The following MALT1 variants were observed in gnomAD, a reference collection of about 807,000 sequenced individuals.
The protein encoded by MALT1 is mucosa-associated lymphoid tissue lymphoma translocation protein 1.
MALT1 carries 36 observed loss-of-function variants against 85.5 expected under a neutral mutation model. The ratio of observed to expected loss-of-function variants is 0.42; its 90% CI spans 0.32 to 0.56. MALT1 has a LOEUF of 0.56. Ranked by LOEUF, MALT1 falls within the 20% of genes least tolerant of loss-of-function variation. The probability of loss-of-function intolerance (pLI) is 0.10; values close to 1 mark genes in which losing one functional copy is unlikely to be tolerated. For synonymous variants in MALT1, 359 were observed against 361.3 expected, an observed-to-expected ratio of 0.99 and a Z score of 0.07; for missense variants, 716 against 981.6, an observed-to-expected ratio of 0.73 and a Z score of 3.62.
intron 9 of MALT1, among the ~76,000 whole-genome samples, chr18:58,721,390 GA>G (rs1392477877): frequency 5.3e-5 from 8 of 152,160 alleles, no homozygotes; most frequent in African/African-American, 1.9e-4. Flanking sequence ...CAAAAAAAAG[GA>G]AATACAAGTG....
At chr18:58,701,625 C>T (rs1399893069) in intron 4 of MALT1, among the ~76,000 whole-genome samples, 1 of 152,130 alleles carries the variant, frequency 6.6e-6, no homozygotes, top group Non-Finnish European at 1.5e-5. Flanking sequence ...CCTTGGGCTT[C>T]GATGTTACAG....
Position 58,734,363 on chromosome 18 carries a change from T to C in MALT1, c.1457T>C (p.Ile486Thr). 6.2e-7 allele frequency: 1 copy of C among 1,613,062 alleles called. No individual in the cohort carries two copies. Among genetic ancestry groups the C allele is most frequent in the African/African-American group, 1.3e-5 (1 of 75,040 alleles). ...GATGCACTAAAAGTCACCGCCAATATTGTGTTTGGATATGCCACGTAAGAA... is the reference window on the plus strand; with the variant it reads ...GATGCACTAAAAGTCACCGCCAATACTGTGTTTGGATATGCCACGTAAGAA... ...ILDALKVTAN[I>T]VFGYATCQGA... The change falls in exon 12 of 17, where the codon ATT becomes ACT. Residue 486 changes from isoleucine (I) to threonine (T), a missense_variant. This residue lies in a region of MALT1 where 86 missense variants were observed against 212.3 expected (regional missense o/e 0.41). Coordinates refer to ENST00000649217, the MANE Select transcript of MALT1 (RefSeq NM_006785.4).
intron 7 of MALT1, among the ~76,000 whole-genome samples, chr18:58,713,717 C>T (rs573853556): frequency 6.6e-6 from 1 of 152,280 alleles, no homozygotes; most frequent in Non-Finnish European, 1.5e-5. Context: ...CTCTGCACTA[C>T]CTTCACAGTA....
At chr18:58,717,763 AAAAAG>A (rs1304520999) in intron 9 of MALT1, among the ~76,000 whole-genome samples, 3 of 151,704 alleles carry the variant, frequency 2.0e-5, no homozygotes, top group Non-Finnish European at 4.4e-5. Context: ...AAAAAAAAAA[AAAAAG>A]AAACCTGCTA....
At chr18:58,716,239 A>C (rs1244716421) in intron 9 of MALT1, among the ~76,000 whole-genome samples, 1 of 152,248 alleles carries the variant, frequency 6.6e-6, no homozygotes, top group African/African-American at 2.4e-5. Flanking sequence ...AAACATGTAC[A>C]TGCTGCATAG....
intron 13 of MALT1, among the ~76,000 whole-genome samples, chr18:58,736,452 A>G (rs928223472): frequency 3.9e-5 from 6 of 152,056 alleles, no homozygotes; most frequent in South Asian, 2.1e-4. Context: ...TAAAAAAAAA[A>G]AAAGAAAGAA....
At chr18:58,733,632 C>A in intron 11 of MALT1, 58 bp downstream of exon 11, 1 of 1,294,444 alleles carries the variant, frequency 7.7e-7, no homozygotes, top group Non-Finnish European at 1.1e-6. Context: ...CCATGACAAA[C>A]TAGAGAAACC....
In MALT1 at chr18:58,723,029, C is replaced by T. The variant is rs780353833; in HGVS notation, c.1019-19C>T. On this transcript the variant is annotated intron_variant, in intron 9 of 16. Transcript: ENST00000649217. ...TCTTTATATCTTCTTTAAACACCCC[C>T]TTTCTTTTTTTTTCAAAGCGAAGGA... The T allele has an allele frequency of 1.3e-6, 2 of 1,596,970 alleles. No homozygotes were observed. Among genetic ancestry groups the T allele is most frequent in the South Asian group, 1.1e-5 (1 of 90,016 alleles).
intron 7 of MALT1, among the ~76,000 whole-genome samples, chr18:58,713,638 G>A (rs2054862449): frequency 6.6e-6 from 1 of 152,128 alleles, no homozygotes; most frequent in African/African-American, 2.4e-5. Flanking sequence ...CATAAGACGT[G>A]ACAAATACAC....
intron 10 of MALT1, among the ~76,000 whole-genome samples, chr18:58,732,300 T>C (rs1005319999): frequency 3.9e-5 from 6 of 152,200 alleles, no homozygotes; most frequent in Non-Finnish European, 8.8e-5. Flanking sequence ...GATATTTTTG[T>C]TGTTTTTTAC....
chr18:58,718,356 A>AC (rs1285095783), intron 9 of MALT1, among the ~76,000 whole-genome samples: 1 of 152,030 alleles, frequency 6.6e-6, no homozygotes, highest in African/African-American at 2.4e-5. Flanking sequence ...GGCATCCCCC[A>AC]CCCCCAGGCT....
At chr18:58,712,273 A>G (rs943994096) in intron 7 of MALT1, among the ~76,000 whole-genome samples, 3 of 152,118 alleles carry the variant, frequency 2.0e-5, no homozygotes, top group African/African-American at 7.2e-5. Context: ...GCATATGAAC[A>G]GTGTCCTTTA....
At chr18:58,698,934 T>C (rs192706931) in intron 3 of MALT1, among the ~76,000 whole-genome samples, 156 of 152,330 alleles carry the variant, frequency 1.0e-3, no homozygotes, top group Non-Finnish European at 1.9e-3. Flanking sequence ...ACTTTTACTC[T>C]TGGTCTGTTG....
intron 10 of MALT1, among the ~76,000 whole-genome samples, chr18:58,728,091 T>C (rs9958802): frequency 0.12 from 18,032 of 152,158 alleles, 1,636 homozygotes; most frequent in African/African-American, 0.26. Context: ...AAATGATTAT[T>C]TTCTCTGTAG....
intron 4 of MALT1, among the ~76,000 whole-genome samples, chr18:58,703,035 G>A (rs1183392674): frequency 2.6e-5 from 4 of 152,278 alleles, no homozygotes; most frequent in African/African-American, 4.8e-5. Flanking sequence ...TTAGTCTTCC[G>A]TAAACTCAAA....
intron 13 of MALT1, among the ~76,000 whole-genome samples, chr18:58,736,858 G>T (rs2055228412): frequency 2.0e-5 from 3 of 152,132 alleles, no homozygotes; most frequent in African/African-American, 7.2e-5. Context: ...ATAAGTAAAG[G>T]CCTAATAGTA....
chr18:58,703,422 C>CA (rs1212101499), intron 4 of MALT1, among the ~76,000 whole-genome samples: 7 of 152,104 alleles, frequency 4.6e-5, no homozygotes, highest in Non-Finnish European at 1.0e-4. Flanking sequence ...TGCATTAGCC[C>CA]ATTCTCACAC....
chr18:58,707,753 C>T (rs77029810), intron 4 of MALT1, among the ~76,000 whole-genome samples: 1 of 152,248 alleles, frequency 6.6e-6, no homozygotes, highest in East Asian at 1.9e-4. Flanking sequence ...ACTAGACACA[C>T]CCCTCGTAAT....
At position 58,747,914 on chromosome 18, in the gene MALT1, C is replaced by A; in HGVS notation, c.*72C>A. 2 of 1,328,290 alleles carry A rather than the reference C, an allele frequency of 1.5e-6. No individual in the cohort carries two copies. Among genetic ancestry groups the A allele is most frequent in the Non-Finnish European group, 2.1e-6 (2 of 956,078 alleles). 82.3% of individuals were successfully genotyped at this position (1,328,290 alleles called of 1,614,324 possible). On this transcript the variant is annotated 3_prime_UTR_variant, in exon 17 of 17. Transcript: ENST00000649217. ...AGTACTGCACTTACATAAAGTGAGA[C>A]ATTGTGAAAAGGCAAATTTGTATAT...
Sources: gnomAD v4.1 joint callset for allele counts (sites outside exome capture counted in the v4.1 genomes callset) on GRCh38, gnomAD v4.1.1 for gene constraint, gnomAD v4.1.1 regional missense constraint, MANE v1.5 for transcripts, NCBI Gene and HGNC (gene_info 2026-07-23, HGNC 2026-07-21) for gene names.